Variants in GBE1 observed in about 807,000 individuals in gnomAD.
GBE1 encodes 1,4-alpha-glucan branching enzyme 1, also known as 1,4-alpha-glucan-branching enzyme.
GBE1 carries 70 observed loss-of-function variants against 88.8 expected under a neutral mutation model. That is an observed-to-expected ratio of 0.79 (90% confidence interval 0.65 to 0.96). GBE1 has a LOEUF of 0.96. GBE1 is among the 40% of genes least tolerant of loss of function. GBE1 has a pLI of 0.00. For missense variants in GBE1, 872 were observed against 871.0 expected, an observed-to-expected ratio of 1.00 and a Z score of -0.01; for synonymous variants, 284 against 300.1, an observed-to-expected ratio of 0.95 and a Z score of 0.56.
At chr3:81,677,042 C>T (rs1384641889) in intron 2 of GBE1, among the ~76,000 whole-genome samples, 1 of 152,178 alleles carries the variant, frequency 6.6e-6, no homozygotes, top group Non-Finnish European at 1.5e-5. Context: ...CAAATGTCAG[C>T]CTCCTTCAAA....
chr3:81,605,941 A>G (rs1704096748), intron 7 of GBE1, among the ~76,000 whole-genome samples: 1 of 152,216 alleles, frequency 6.6e-6, no homozygotes, highest in Non-Finnish European at 1.5e-5. Context: ...AGTATGTAAC[A>G]TTCATATGCC....
At chr3:81,626,756 T>A (rs1018875853) in intron 7 of GBE1, among the ~76,000 whole-genome samples, 4 of 139,226 alleles carry the variant, frequency 2.9e-5, no homozygotes, top group Non-Finnish European at 6.3e-5. Context: ...AAAAAAAAAA[T>A]CTCTTCTATG....
At chr3:81,525,757 T>C (rs1385995569) in intron 14 of GBE1, among the ~76,000 whole-genome samples, 4 of 152,092 alleles carry the variant, frequency 2.6e-5, no homozygotes, top group Non-Finnish European at 5.9e-5. Flanking sequence ...TGGTTTAGTC[T>C]TGGGAGAGTG....
intron 11 of GBE1, 110 bp downstream of exon 11, chr3:81,581,055 C>G (rs868266280): frequency 3.5e-5 from 23 of 656,070 alleles, no homozygotes; most frequent in Middle Eastern, 5.1e-4. Context: ...ATTATAGTAA[C>G]TACAGAGGTT....
intron 14 of GBE1, among the ~76,000 whole-genome samples, chr3:81,502,371 A>G (rs1174541006): frequency 6.6e-6 from 1 of 152,174 alleles, no homozygotes; most frequent in African/African-American, 2.4e-5. Context: ...AGCCATAGAG[A>G]AAGTTTCAAA....
chr3:81,750,613 A>ATG lies in GBE1; in HGVS notation c.143+10761_143+10762insCA, dbSNP rs1706502754. Among the ~76,000 whole-genome samples the ATG allele has an allele frequency of 1.3e-4, 10 of 76,472 alleles. 2 individuals are homozygous for ATG. Among genetic ancestry groups the ATG allele is most frequent in the African/African-American group, 5.6e-4 (7 of 12,510 alleles). 50.2% of individuals were successfully genotyped at this position (76,472 alleles called of 152,430 possible). A position where few individuals can be genotyped will look rare whatever the true frequency, so the allele number is the denominator to read the frequency against. On this transcript the variant is annotated intron_variant, in intron 1 of 15. Transcript: ENST00000429644. ...CGTATATATATATGTGTATATATAT[A>ATG]TATGTATATATATATACGTATATAT...
At chr3:81,601,229 A>G (rs562557699) in intron 7 of GBE1, among the ~76,000 whole-genome samples, 2 of 152,268 alleles carry the variant, frequency 1.3e-5, no homozygotes, top group East Asian at 3.9e-4. Context: ...GCCTCATTTA[A>G]TAAGGCTGTG....
intron 12 of GBE1, among the ~76,000 whole-genome samples, chr3:81,550,870 T>C (rs1703262711): frequency 6.6e-6 from 1 of 152,188 alleles, no homozygotes; most frequent in South Asian, 2.1e-4. Context: ...CAGCAGCCCT[T>C]GGGGCTGCTC....
At chr3:81,557,173 ATTTTTGC>A (rs1703359815) in intron 12 of GBE1, among the ~76,000 whole-genome samples, 1 of 152,054 alleles carries the variant, frequency 6.6e-6, no homozygotes. Flanking sequence ...TTAACCATTA[ATTTTTGC>A]TGTCCCAAAA....
chr3:81,664,137 G>T (rs1705075256), intron 3 of GBE1, among the ~76,000 whole-genome samples: 1 of 152,172 alleles, frequency 6.6e-6, no homozygotes, highest in African/African-American at 2.4e-5. Flanking sequence ...ACCTAGGAAT[G>T]CTAGGGGCAG....
At chr3:81,582,874 A>T (rs776033739) in intron 10 of GBE1, among the ~76,000 whole-genome samples, 4 of 152,044 alleles carry the variant, frequency 2.6e-5, no homozygotes, top group Admixed American at 1.3e-4. Context: ...AAAAATGATA[A>T]ACTAGCTTCA....
At chr3:81,514,921 A>C (rs1361547091) in intron 14 of GBE1, among the ~76,000 whole-genome samples, 2 of 151,712 alleles carry the variant, frequency 1.3e-5, no homozygotes, top group South Asian at 2.1e-4. Flanking sequence ...CCATGTCATA[A>C]ATTTAGTTTA....
intron 1 of GBE1, among the ~76,000 whole-genome samples, chr3:81,748,877 C>T (rs982025100): frequency 2.6e-5 from 4 of 151,116 alleles, no homozygotes; most frequent in Non-Finnish European, 5.9e-5. Flanking sequence ...CATGGTGGTG[C>T]GCACCTGTAG....
At chr3:81,501,862 C>T (rs549871491) in intron 14 of GBE1, among the ~76,000 whole-genome samples, 6 of 151,408 alleles carry the variant, frequency 4.0e-5, no homozygotes, top group Non-Finnish European at 7.4e-5. Context: ...TGCCACCAGA[C>T]TGATTTTTAT....
chr3:81,525,164 C>T (rs995647286), intron 14 of GBE1, among the ~76,000 whole-genome samples: 2 of 151,626 alleles, frequency 1.3e-5, no homozygotes, highest in African/African-American at 2.4e-5. Context: ...TTTAGGATTT[C>T]CTTTGTGGCC....
At chr3:81,742,082 C>A (rs753440775) in intron 1 of GBE1, among the ~76,000 whole-genome samples, 16 of 151,852 alleles carry the variant, frequency 1.1e-4, no homozygotes, top group Non-Finnish European at 2.2e-4. Flanking sequence ...AAACCTAAAT[C>A]CTTCTAGATT....
At chr3:81,502,961 T>C (rs1702608839) in intron 14 of GBE1, among the ~76,000 whole-genome samples, 1 of 152,220 alleles carries the variant, frequency 6.6e-6, no homozygotes, top group African/African-American at 2.4e-5. Context: ...TCATCTGTTA[T>C]CCATAGCTAC....
chr3:81,583,574 G>T (rs1703761310), intron 10 of GBE1, among the ~76,000 whole-genome samples: 1 of 151,984 alleles, frequency 6.6e-6, no homozygotes, highest in African/African-American at 2.4e-5. Flanking sequence ...AAGAATGCTG[G>T]ATATAACAAC....
intron 14 of GBE1, among the ~76,000 whole-genome samples, chr3:81,514,305 G>GT (rs572812226): frequency 2.6e-5 from 4 of 151,536 alleles, no homozygotes; most frequent in South Asian, 2.1e-4. Flanking sequence ...GAAATAAAAT[G>GT]ATCATTGTGT....
Sources: allele counts gnomAD v4.1 joint callset (sites outside exome capture counted in the v4.1 genomes callset), GRCh38; gene constraint gnomAD v4.1.1; transcripts MANE v1.5; gene names NCBI Gene and HGNC (gene_info 2026-07-23, HGNC 2026-07-21).